The following FTO variants were observed in gnomAD, a reference collection of about 807,000 sequenced individuals.
FTO encodes FTO alpha-ketoglutarate dependent dioxygenase.
In FTO, 47 loss-of-function variants were observed where a neutral mutation model predicts 63.9. The ratio of observed to expected loss-of-function variants is 0.74; its 90% CI spans 0.58 to 0.94. FTO has a LOEUF of 0.94. Ranked by LOEUF, FTO falls within the 40% of genes least tolerant of loss-of-function variation. FTO has a pLI of 0.00. For missense variants in FTO, 562 were observed against 618.1 expected (o/e 0.91, Z 0.96); for synonymous variants, 207 against 224.4 (o/e 0.92, Z 0.69).
chr16:53,726,836 T>C (rs899271184), intron 1 of FTO, among the ~76,000 whole-genome samples: 2 of 152,144 alleles, frequency 1.3e-5, no homozygotes, highest in African/African-American at 4.8e-5. Context: ...TTGGAGCAGG[T>C]TGGAGATGTT....
chr16:53,886,882 A>G (rs951645712), intron 6 of FTO: 1 of 152,246 alleles, frequency 6.6e-6, no homozygotes, highest in Admixed American at 6.5e-5. Flanking sequence ...TATATGGAAC[A>G]TGATCACCTT....
At chr16:53,982,354 C>A (rs1019745507) in intron 8 of FTO, among the ~76,000 whole-genome samples, 2 of 152,110 alleles carry the variant, frequency 1.3e-5, no homozygotes, top group Non-Finnish European at 2.9e-5. Flanking sequence ...CTTAGATTTT[C>A]TTTTTTCATG....
chr16:53,792,973 TTTGA>T (rs1291545243), intron 1 of FTO, among the ~76,000 whole-genome samples: 1 of 152,224 alleles, frequency 6.6e-6, no homozygotes, highest in East Asian at 1.9e-4. Context: ...ATGGACAGTA[TTTGA>T]TTGTGAGGAA....
At chr16:53,720,656 C>CTTTTATATATATAAAATATATATATATA (rs2076018108) in intron 1 of FTO, among the ~76,000 whole-genome samples, 2 of 145,052 alleles carry the variant, frequency 1.4e-5, no homozygotes, top group South Asian at 4.3e-4. Flanking sequence ...ATATATATAT[C>CTTTTATATATATAAAATATATATATATA]TTTTATATAT....
intron 3 of FTO, among the ~76,000 whole-genome samples, chr16:53,839,639 G>A (rs1888873291): frequency 6.6e-6 from 1 of 152,174 alleles, no homozygotes; most frequent in Non-Finnish European, 1.5e-5. Flanking sequence ...AGGGAAAGTA[G>A]TCAAGCAGAC....
intron 8 of FTO, among the ~76,000 whole-genome samples, chr16:53,980,798 C>T (rs955371609): frequency 8.6e-5 from 13 of 152,040 alleles, no homozygotes; most frequent in African/African-American, 2.2e-4. Flanking sequence ...GCTCAAAATA[C>T]GACAGCCTTA....
At chr16:54,061,592 C>G (rs1216686575) in intron 8 of FTO, 1 of 141,818 alleles carries the variant, frequency 7.1e-6, no homozygotes, top group East Asian at 2.0e-4. Flanking sequence ...CACGCCTGAA[C>G]TGGCATGTGT....
At chr16:53,839,771 TTTTTTTTA>T (rs747811842) in intron 3 of FTO, among the ~76,000 whole-genome samples, 7,941 of 49,400 alleles carry the variant, frequency 0.16, 273 homozygotes, top group Non-Finnish European at 0.29. Flanking sequence ...TTGGTTTTCT[TTTTTTTTA>T]TTTATTTATT....
chr16:53,755,990 C>T (rs2076915300), intron 1 of FTO, among the ~76,000 whole-genome samples: 1 of 152,214 alleles, frequency 6.6e-6, no homozygotes. Flanking sequence ...TTAGATAATA[C>T]ACTGTTTCTA....
At chr16:54,029,708 A>G (rs1411359295) in intron 8 of FTO, among the ~76,000 whole-genome samples, 1 of 152,182 alleles carries the variant, frequency 6.6e-6, no homozygotes, top group East Asian at 1.9e-4. Context: ...GCTGCCCATT[A>G]AACTCCACAA....
At chr16:53,718,454 T>C (rs1435551006) in intron 1 of FTO, among the ~76,000 whole-genome samples, 2 of 152,144 alleles carry the variant, frequency 1.3e-5, no homozygotes, top group African/African-American at 4.8e-5. Flanking sequence ...GTTGATAATC[T>C]ACTTATCTGC....
At chr16:53,715,415 T>A (rs1325817843) in intron 1 of FTO, among the ~76,000 whole-genome samples, 1 of 152,182 alleles carries the variant, frequency 6.6e-6, no homozygotes, top group African/African-American at 2.4e-5. Flanking sequence ...AGGTAGCAAA[T>A]GTCAATAAGT....
At chr16:53,896,911 A>G (rs2081291893) in intron 7 of FTO, among the ~76,000 whole-genome samples, 1 of 152,162 alleles carries the variant, frequency 6.6e-6, no homozygotes, top group Admixed American at 6.5e-5. Flanking sequence ...GAATCTTTCC[A>G]TATTGTACAG....
At chr16:53,959,405 G>A (rs992468235) in intron 8 of FTO, among the ~76,000 whole-genome samples, 1 of 152,184 alleles carries the variant, frequency 6.6e-6, no homozygotes, top group Non-Finnish European at 1.5e-5. Context: ...AGTGGGAAGA[G>A]CACAGTGGAA....
At chr16:53,761,442 G>A (rs567977426) in intron 1 of FTO, among the ~76,000 whole-genome samples, 1 of 152,196 alleles carries the variant, frequency 6.6e-6, no homozygotes, top group East Asian at 1.9e-4. Context: ...GTGAGGTTTT[G>A]GGAAGGAGCC....
chr16:53,865,838 T>C (rs186857445), intron 4 of FTO, among the ~76,000 whole-genome samples: 1 of 152,224 alleles, frequency 6.6e-6, no homozygotes, highest in African/African-American at 2.4e-5. Context: ...TAATATAATC[T>C]GTGAACAAAC....
At chr16:53,748,497 C>G (rs978885758) in intron 1 of FTO, among the ~76,000 whole-genome samples, 1 of 152,070 alleles carries the variant, frequency 6.6e-6, no homozygotes, top group Admixed American at 6.6e-5. Flanking sequence ...CTCTGTCACC[C>G]AGGCAGGAGT....
At chr16:53,844,099 A>G in intron 3 of FTO, 56 bp from the exon 4 acceptor site, 9 of 1,418,980 alleles carry the variant, frequency 6.3e-6, no homozygotes, top group Non-Finnish European at 7.9e-6. Context: ...CAATTATAAA[A>G]TTCAGAAGCT....
chr16:53,860,806 A>G (rs532200042), intron 4 of FTO, among the ~76,000 whole-genome samples: 4 of 152,256 alleles, frequency 2.6e-5, no homozygotes. Flanking sequence ...GATCCAAACA[A>G]TATCAGTAAT....
Sources: allele counts gnomAD v4.1 joint callset (sites outside exome capture counted in the v4.1 genomes callset), GRCh38; gene constraint gnomAD v4.1.1; transcripts MANE v1.5; gene names NCBI Gene and HGNC (gene_info 2026-07-23, HGNC 2026-07-21).